The following SASH3 variants were observed in gnomAD, a reference collection of about 807,000 sequenced individuals.
SASH3 encodes the protein SAM and SH3 domain-containing protein 3.
Under a neutral mutation model 26.1 loss-of-function variants are expected in SASH3, and 7 were observed. That is an observed-to-expected ratio of 0.27 (90% CI 0.15 to 0.50). SASH3 has a LOEUF of 0.50. Among genes scored for constraint, SASH3 ranks in the 20% least tolerant of loss-of-function variants. The pLI is 0.98. For missense variants in SASH3, 231 were observed against 318.3 expected (o/e 0.73, Z 2.09); for synonymous variants, 138 against 136.8 (o/e 1.01, Z -0.06).
At chrX:129,789,170 A>AGAAAGAAAGAAAG (rs10683625) in intron 3 of SASH3, among the ~76,000 whole-genome samples, 22 of 48,243 alleles carry the variant, frequency 4.6e-4, no homozygotes, top group African/African-American at 3.2e-3. Flanking sequence ...AGAAAGAGAA[A>AGAAAGAAAGAAAG]AAAAAAAAAA....
At chrX:129,787,106 A>C (rs1449085476) in intron 1 of SASH3, among the ~76,000 whole-genome samples, 2 of 111,534 alleles carry the variant, frequency 1.8e-5, no homozygotes, top group Non-Finnish European at 3.8e-5. Context: ...GTTCGAGACC[A>C]GCCTGACCAA....
At chrX:129,789,168 A>AAAGAAAGAAAGAG (rs1556001597) in intron 3 of SASH3, among the ~76,000 whole-genome samples, 45 of 52,285 alleles carry the variant, frequency 8.6e-4, no homozygotes, top group African/African-American at 1.4e-3. Flanking sequence ...AAAGAAAGAG[A>AAAGAAAGAAAGAG]AAAAAAAAAA....
intron 4 of SASH3, among the ~76,000 whole-genome samples, chrX:129,791,352 G>A (rs1197098909): frequency 3.6e-5 from 4 of 111,971 alleles, no homozygotes; most frequent in Non-Finnish European, 7.5e-5. Flanking sequence ...CAGATGTACC[G>A]TAGAGGAACT....
At position 129,793,712 on chromosome X, in the gene SASH3, C is replaced by T. The variant is rs368691609; in HGVS notation, c.1023C>T (p.Pro341=). The T allele has an allele frequency of 1.6e-6, 2 of 1,212,147 alleles. No homozygotes were observed. The highest frequency in any genetic ancestry group is 2.2e-5 in the Admixed American group (1 of 46,145). Residue 341 remains proline (P), a synonymous_variant, in exon 8 of 8, where the codon CCC becomes CCT. Coordinates refer to ENST00000356892, the MANE Select transcript of SASH3 (RefSeq NM_018990.4). ...QEPVAHTVSE[P]KVDIPRDSGC... The stretch of plus-strand genomic sequence containing the variant: ...CAGTGGCACACACAGTGTCGGAACC[C>T]AAGGTGGACATCCCGCGCGACTCAG...
chrX:129,784,928 TTTGAAATATATA>T (rs1230489258), intron 1 of SASH3, among the ~76,000 whole-genome samples: 2 of 110,198 alleles, frequency 1.8e-5, no homozygotes, highest in Non-Finnish European at 3.8e-5. Context: ...GTATATTACA[TTTGAAATATATA>T]TTGAAATATA....
chrX:129,782,185 G>A (rs906420690), intron 1 of SASH3, among the ~76,000 whole-genome samples: 3 of 112,033 alleles, frequency 2.7e-5, no homozygotes, highest in South Asian at 7.3e-4. Context: ...CAGTTTCCTC[G>A]CCTCTGAAAA....
At chrX:129,780,941 G>A (rs1927005462) in intron 1 of SASH3, among the ~76,000 whole-genome samples, 1 of 112,523 alleles carries the variant, frequency 8.9e-6, no homozygotes, top group Admixed American at 9.4e-5. Flanking sequence ...GCAGAGACCG[G>A]ACTGGAAGAA....
rs1159302727 is a variant in SASH3, at chrX:129,790,958, G to A, written c.319G>A (p.Gly107Ser). 5 of 1,209,661 alleles carry A rather than the reference G, an allele frequency of 4.1e-6. No homozygotes were observed. The East Asian group carries it at 8.9e-5, about 22-fold the overall frequency. ...CCTGCAGGCAGACACTCTGGAGGAG[G>A]GCTCTGCCTCCCCGACATCTCCAGA... The part of the protein sequence containing the change: ...SEEMADTLEE[G>S]SASPTSPDYS... Residue 107 changes from glycine (G) to serine (S), a missense_variant, in exon 4 of 8, where the codon GGC becomes AGC. Coordinates refer to ENST00000356892, the MANE Select transcript of SASH3 (RefSeq NM_018990.4).
rs1927308354 is a variant in SASH3, at chrX:129,794,888, A to AAAC, written c.*1056_*1057insAAC. ...CTAAACTTGACATTGGGGGTCCACC[A>AAAC]CTCCAACTTTGCTTTCTGAAGGTTT... On this transcript the variant is annotated 3_prime_UTR_variant, in exon 8 of 8. Transcript: ENST00000356892. 1 of 110,958 alleles carries AAAC rather than the reference A, an allele frequency of 9.0e-6. No homozygotes were observed. Among genetic ancestry groups the AAAC allele is most frequent in the Non-Finnish European group, 1.9e-5 (1 of 52,964 alleles). The allele number at this position is 110,958 out of a possible 1,213,427, so 9.1% of individuals were successfully genotyped here. A position where few individuals can be genotyped will look rare whatever the true frequency, so the allele number is the denominator to read the frequency against.
At chrX:129,791,186 C>A in intron 4 of SASH3, 105 bp downstream of exon 4, 1 of 843,202 alleles carries the variant, frequency 1.2e-6, no homozygotes, top group Non-Finnish European at 1.7e-6. Flanking sequence ...GAAATGAATG[C>A]TTACTCTTTG....
At chrX:129,780,485 G>A (rs1216592102) in intron 1 of SASH3, among the ~76,000 whole-genome samples, 4 of 112,511 alleles carry the variant, frequency 3.6e-5, no homozygotes, top group Non-Finnish European at 7.5e-5. Flanking sequence ...TGCTTAAGCT[G>A]AACCCTAAGC....
chrX:129,780,139 C>A lies in SASH3; in HGVS notation c.42C>A (p.Pro14=). The change falls in exon 1 of 8, where the codon CCC becomes CCA. Residue 14 remains proline, a synonymous_variant. Coordinates refer to ENST00000356892, the MANE Select transcript of SASH3 (RefSeq NM_018990.4). ...RKPSNASEKE[P]TQKKKLSLQR... ...CCTCCAATGCCAGTGAGAAGGAGCC[C>A]ACTCAGAAGAAAAAGGTGAGGAGCA... 8.3e-7 allele frequency: 1 copy of A among 1,210,288 alleles called. No homozygotes were observed. Among genetic ancestry groups the A allele is most frequent in the Non-Finnish European group, 1.1e-6 (1 of 894,579 alleles).
chrX:129,790,917 C>A (rs1644565773), intron 3 of SASH3, 23 bp from the exon 4 acceptor site: 1 of 1,206,465 alleles, frequency 8.3e-7, no homozygotes. Context: ...CTCCTTAAAG[C>A]TTCCCGCCTA....
intron 1 of SASH3, among the ~76,000 whole-genome samples, chrX:129,784,152 C>T (rs1927066127): frequency 9.0e-6 from 1 of 110,627 alleles, no homozygotes; most frequent in Non-Finnish European, 1.9e-5. Flanking sequence ...GTGAGCTCTG[C>T]CAGGCTTTGA....
chrX:129,781,329 G>A (rs899049933), intron 1 of SASH3, among the ~76,000 whole-genome samples: 14 of 111,807 alleles, frequency 1.3e-4, no homozygotes, highest in African/African-American at 4.6e-4. Flanking sequence ...GCCACTTCCG[G>A]CTGTATTCTC....
At chrX:129,789,301 G>A (rs1411005884) in intron 3 of SASH3, among the ~76,000 whole-genome samples, 1 of 109,834 alleles carries the variant, frequency 9.1e-6, no homozygotes, top group Non-Finnish European at 1.9e-5. Flanking sequence ...GAACTTCCCC[G>A]GGATTGGGAA....
chrX:129,794,153 C>G lies in SASH3; in HGVS notation c.*321C>G. 1 of 306,388 alleles carries G rather than the reference C, an allele frequency of 3.3e-6. No individual in the cohort carries two copies. The allele number at this position is 306,388 out of a possible 1,213,427, so 25.2% of individuals were successfully genotyped here. On this transcript the variant is annotated 3_prime_UTR_variant, in exon 8 of 8. Transcript: ENST00000356892. Reference sequence around the variant, plus strand: ...GCAAGTGGGGCACTGGGAAACCCTGCCCATGTCCCTCACCAACAAGGCCTC... The same window carrying G: ...GCAAGTGGGGCACTGGGAAACCCTGGCCATGTCCCTCACCAACAAGGCCTC...
At chrX:129,787,938 T>C in intron 1 of SASH3, 37 bp from the exon 2 acceptor site, 1 of 1,101,929 alleles carries the variant, frequency 9.1e-7, no homozygotes, top group Non-Finnish European at 1.3e-6. Context: ...CGGGCAGCCA[T>C]TTAGCCCACT....
At chrX:129,783,441 C>A (rs750063588) in intron 1 of SASH3, among the ~76,000 whole-genome samples, 1 of 112,011 alleles carries the variant, frequency 8.9e-6, no homozygotes, top group African/African-American at 3.2e-5. Flanking sequence ...ACTGGTGGGG[C>A]GGGGCAACAG....
Sources: gnomAD v4.1 joint callset for allele counts (sites outside exome capture counted in the v4.1 genomes callset) on GRCh38, gnomAD v4.1.1 for gene constraint, MANE v1.5 for transcripts, NCBI Gene and HGNC (gene_info 2026-07-23, HGNC 2026-07-21) for gene names.